Variants in HCN4 observed in about 807,000 individuals in gnomAD.
HCN4 encodes hyperpolarization activated cyclic nucleotide gated potassium channel 4, also known as potassium/sodium hyperpolarization-activated cyclic nucleotide-gated channel 4.
HCN4 carries 29 observed loss-of-function variants against 76.9 expected under a neutral mutation model. The observed-to-expected ratio is 0.38, with a 90% CI of 0.28 to 0.51. The LOEUF (loss-of-function observed/expected upper bound fraction) is 0.51. Among genes scored for constraint, HCN4 ranks in the 20% least tolerant of loss-of-function variants. The probability of loss-of-function intolerance (pLI) is 0.90; values close to 1 mark genes in which losing one functional copy is unlikely to be tolerated. For missense variants in HCN4, 1,416 were observed against 1,715.2 expected, an observed-to-expected ratio of 0.83 and a Z score of 3.08; for synonymous variants, 772 against 762.5, an observed-to-expected ratio of 1.01 and a Z score of -0.21.
rs2042910889 is a variant in HCN4, at chr15:73,328,027, G to T, written c.1590+1546C>A. Among the ~76,000 whole-genome samples, 1 of 152,146 alleles carries T rather than the reference G, an allele frequency of 6.6e-6. No homozygotes were observed. Among genetic ancestry groups the T allele is most frequent in the African/African-American group, 2.4e-5 (1 of 41,430 alleles). ...GCATAAAACAGAAAACGACATACTG[G>T]GTCCTCCCCTCATGGAGCCGTGGCC... On this transcript the variant is annotated intron_variant, in intron 4 of 7. Coordinates refer to ENST00000261917, the MANE Select transcript of HCN4 (RefSeq NM_005477.3). The surrounding 1 kb of genome is among the most constrained non-coding windows in gnomAD (Gnocchi z 4.0).
chr15:73,360,780 T>C (rs1177099763), intron 1 of HCN4, among the ~76,000 whole-genome samples: 5 of 152,232 alleles, frequency 3.3e-5, no homozygotes, highest in South Asian at 2.1e-4. Flanking sequence ...AAATGGTGGT[T>C]ACTGATCTGT....
At chr15:73,335,923 G>T (rs1289644645) in intron 2 of HCN4, among the ~76,000 whole-genome samples, 1 of 152,172 alleles carries the variant, frequency 6.6e-6, no homozygotes, top group African/African-American at 2.4e-5. Flanking sequence ...CTGGAAGTCA[G>T]CCTGTGTCAG....
intron 1 of HCN4, among the ~76,000 whole-genome samples, chr15:73,345,704 C>T (rs948620791): frequency 8.5e-5 from 13 of 152,142 alleles, no homozygotes. Flanking sequence ...GCACAAACAC[C>T]CCTCTATACA....
At chr15:73,365,691 G>A (rs769818413) in intron 1 of HCN4, among the ~76,000 whole-genome samples, 2 of 152,218 alleles carry the variant, frequency 1.3e-5, no homozygotes, top group African/African-American at 2.4e-5. Context: ...GCCAATGCTT[G>A]CTGCTGAGGG....
intron 1 of HCN4, among the ~76,000 whole-genome samples, chr15:73,344,359 T>C (rs984711438): frequency 3.3e-5 from 5 of 152,152 alleles, no homozygotes; most frequent in Non-Finnish European, 7.3e-5. Flanking sequence ...CTATGTGACA[T>C]CCGGAAGGGC....
rs2043135147 is a variant in HCN4, at chr15:73,367,706, T to G, written c.565A>C (p.Lys189Gln). The change falls in exon 1 of 8, where the codon AAA (lysine) becomes CAA (glutamine). Residue 189 changes from lysine (K) to glutamine (Q), a missense_variant. Transcript: ENST00000261917. This position sits in a 1 kb window ranked among gnomAD's most constrained non-coding sequence, Gnocchi z 7.5. ...CEQPSVDTAI[K>Q]VEGGAAAGDQ... ...CCGGCAGCCGCGCCTCCCTCCACTT[T>G]GATAGCGGTGTCCACCGAGGGCTGC... The G allele has an allele frequency of 1.3e-6, 2 of 1,598,788 alleles. No individual in the cohort carries two copies. Among genetic ancestry groups the G allele is most frequent in the South Asian group, 2.2e-5 (2 of 90,930 alleles).
chr15:73,365,286 GTC>G (rs1419030371), intron 1 of HCN4, among the ~76,000 whole-genome samples: 1 of 152,152 alleles, frequency 6.6e-6, no homozygotes, highest in African/African-American at 2.4e-5. Context: ...CACTCAGATG[GTC>G]TTTCTTGGAT....
At position 73,368,440 on chromosome 15, in the gene HCN4, C is replaced by A. The variant is rs536621293; in HGVS notation, c.-170G>T. 4.7e-4 allele frequency: 193 copies of A among 406,468 alleles called. No homozygotes were observed. The highest frequency in any genetic ancestry group is 3.7e-3 in the African/African-American group (178 of 47,776). 25.2% of individuals were successfully genotyped at this position (406,468 alleles called of 1,614,324 possible). A position where few individuals can be genotyped will look rare whatever the true frequency, so the allele number is the denominator to read the frequency against. On this transcript the variant is annotated 5_prime_UTR_variant, in exon 1 of 8. Transcript: ENST00000261917. The surrounding 1 kb of genome is among the most constrained non-coding windows in gnomAD (Gnocchi z 6.9). ...GCAGGCTGCGCGCCGCGGGGAGGAT[C>A]CTAGTCCCGCTCCGAGTCCCCGGGC...
chr15:73,346,899 G>A (rs2043032244), intron 1 of HCN4, among the ~76,000 whole-genome samples: 1 of 152,156 alleles, frequency 6.6e-6, no homozygotes, highest in Admixed American at 6.5e-5. Flanking sequence ...AGCTAGATAT[G>A]ACGTTCAGCA....
In HCN4 at chr15:73,322,106, G is replaced by C. The variant is rs183633232; in HGVS notation, c.*375C>G. On this transcript the variant is annotated 3_prime_UTR_variant, in exon 8 of 8. Coordinates refer to ENST00000261917, the MANE Select transcript of HCN4 (RefSeq NM_005477.3). ...TCCAAGTTACAGCTAACGGGCTGAT[G>C]GCAGCTGTTTCTCTAAATGAACACA... 7.1e-5 allele frequency: 20 copies of C among 283,252 alleles called. No individual in the cohort carries two copies. The highest frequency in any genetic ancestry group is 3.8e-4 in the African/African-American group (17 of 44,948). The allele number at this position is 283,252 out of a possible 1,614,324, so 17.5% of individuals were successfully genotyped here. A position where few individuals can be genotyped will look rare whatever the true frequency, so the allele number is the denominator to read the frequency against.
chr15:73,356,374 CT>C (rs71137342), intron 1 of HCN4, among the ~76,000 whole-genome samples: 6,017 of 118,216 alleles, frequency 0.051, 99 homozygotes, highest in African/African-American at 0.075. Context: ...CTTTTCTTTT[CT>C]TTTTTTTTTT....
intron 2 of HCN4, among the ~76,000 whole-genome samples, chr15:73,336,753 A>C (rs2042967958): frequency 6.6e-6 from 1 of 152,096 alleles, no homozygotes; most frequent in Non-Finnish European, 1.5e-5. Context: ...AAACACCCGC[A>C]AGATGACAGC....
In HCN4 at chr15:73,343,018, A is replaced by AGCG. The variant is rs1273477204; in HGVS notation, c.1209+366_1209+367insCGC. 2.6e-5 allele frequency among the ~76,000 whole-genome samples: 4 copies of AGCG among 152,208 alleles called. No homozygotes were observed. Among genetic ancestry groups the AGCG allele is most frequent in the African/African-American group, 7.2e-5 (3 of 41,462 alleles). ...GTTTACAAACCCTACAACATAACGCAGTGGTTAATAATGTGGGCTCTAGAG... is the reference window on the plus strand; with the variant it reads ...GTTTACAAACCCTACAACATAACGCAGCGGTGGTTAATAATGTGGGCTCTAGAG... On this transcript the variant is annotated intron_variant, in intron 2 of 7. Coordinates refer to ENST00000261917, the MANE Select transcript of HCN4 (RefSeq NM_005477.3). The surrounding 1 kb of genome is among the most constrained non-coding windows in gnomAD (Gnocchi z 5.7).
At chr15:73,350,240 G>A (rs1317978224) in intron 1 of HCN4, among the ~76,000 whole-genome samples, 2 of 151,976 alleles carry the variant, frequency 1.3e-5, no homozygotes, top group Non-Finnish European at 1.5e-5. Context: ...CAGCTCATTC[G>A]CCTCTCTAAA....
chr15:73,353,954 G>A (rs972143317), intron 1 of HCN4, among the ~76,000 whole-genome samples: 7 of 151,990 alleles, frequency 4.6e-5, no homozygotes, highest in South Asian at 4.2e-4. Flanking sequence ...ATAAATTGCT[G>A]TCTTCCTCCC....
intron 1 of HCN4, among the ~76,000 whole-genome samples, chr15:73,365,060 G>A (rs551989770): frequency 3.3e-5 from 5 of 152,218 alleles, no homozygotes; most frequent in South Asian, 4.2e-4. Context: ...GGGCAATGGC[G>A]ATTGGCTACA....
At chr15:73,353,384 C>T (rs1459051508) in intron 1 of HCN4, among the ~76,000 whole-genome samples, 2 of 152,124 alleles carry the variant, frequency 1.3e-5, no homozygotes, top group Non-Finnish European at 2.9e-5. Flanking sequence ...TTGCCGTGCC[C>T]GGGAGGTCAG....
At chr15:73,338,897 G>A (rs1219784418) in intron 2 of HCN4, among the ~76,000 whole-genome samples, 1 of 152,210 alleles carries the variant, frequency 6.6e-6, no homozygotes, top group Non-Finnish European at 1.5e-5. Flanking sequence ...GCAGGAGACA[G>A]GGCCAGTACC....
rs1215709667 is a variant in HCN4, at chr15:73,322,305, C to G, written c.*176G>C. On this transcript the variant is annotated 3_prime_UTR_variant, in exon 8 of 8. Transcript: ENST00000261917. ...AAAATAGTCTATAAAAGCAAGTGAC[C>G]AAAAATCTATAGCTCTAAGAATACC... is the stretch of plus-strand genomic sequence containing the variant. 1.5e-6 allele frequency: 1 copy of G among 666,368 alleles called. No homozygotes were observed. The highest frequency in any genetic ancestry group is 2.5e-5 in the Admixed American group (1 of 40,334). The allele number at this position is 666,368 out of a possible 1,614,324, so 41.3% of individuals were successfully genotyped here. A position where few individuals can be genotyped will look rare whatever the true frequency, so the allele number is the denominator to read the frequency against.
Sources: gnomAD v4.1 joint callset for allele counts (sites outside exome capture counted in the v4.1 genomes callset) on GRCh38, gnomAD v4.1.1 for gene constraint, Gnocchi (gnomAD v3.1) non-coding constraint, MANE v1.5 for transcripts, NCBI Gene and HGNC (gene_info 2026-07-23, HGNC 2026-07-21) for gene names.